VAV3: variants seen among roughly 807,000 people sequenced by gnomAD.
VAV3 encodes the protein guanine nucleotide exchange factor VAV3.
In VAV3, 94 loss-of-function variants were observed where a neutral mutation model predicts 131.2. The observed-to-expected ratio is 0.72, with a 90% confidence interval of 0.61 to 0.85. The LOEUF (loss-of-function observed/expected upper bound fraction) is 0.85, where lower values mean the gene tolerates loss of function less well. VAV3 is among the 40% of genes least tolerant of loss of function. The pLI is 0.00. For missense variants in VAV3, 939 were observed against 1,002.7 expected, an observed-to-expected ratio of 0.94 and a Z score of 0.86; for synonymous variants, 349 against 342.0, an observed-to-expected ratio of 1.02 and a Z score of -0.22.
chr1:107,595,319 C>A (rs747464070), intron 25 of VAV3, among the ~76,000 whole-genome samples: 2 of 152,002 alleles, frequency 1.3e-5, no homozygotes, highest in Admixed American at 6.6e-5. Context: ...GTTGTTGAAA[C>A]CCAGAGCATT....
At chr1:107,878,265 A>G (rs1035591169) in intron 1 of VAV3, among the ~76,000 whole-genome samples, 4 of 152,170 alleles carry the variant, frequency 2.6e-5, no homozygotes, top group African/African-American at 7.2e-5. Flanking sequence ...TTTCCTACAG[A>G]TCAACAATAC....
chr1:107,673,057 G>C (rs948061851), intron 19 of VAV3, among the ~76,000 whole-genome samples: 1 of 152,096 alleles, frequency 6.6e-6, no homozygotes, highest in African/African-American at 2.4e-5. Context: ...ATAATAATCA[G>C]CCATATGGAA....
At position 107,777,211 on chromosome 1, in the gene VAV3, G is replaced by C. The variant is rs1196385299; in HGVS notation, c.446+20C>G. On this transcript the variant is annotated intron_variant, in intron 4 of 26. Transcript: ENST00000370056. ...CATAAATTGGCAGTGGCTAAATTTT[G>C]CTTGAAATTTTCAACATACTCTATT... 6.2e-7 allele frequency: 1 copy of C among 1,610,532 alleles called. No individual in the cohort carries two copies. The highest frequency in any genetic ancestry group is 1.3e-5 in the African/African-American group (1 of 74,904).
chr1:107,832,301 G>A (rs538171285), intron 2 of VAV3, among the ~76,000 whole-genome samples: 7 of 152,308 alleles, frequency 4.6e-5, no homozygotes, highest in East Asian at 3.9e-4. Flanking sequence ...ATATAATGCC[G>A]GAGGAAGCAT....
chr1:107,743,196 A>G (rs992756303), intron 15 of VAV3, among the ~76,000 whole-genome samples: 4 of 152,348 alleles, frequency 2.6e-5, no homozygotes, highest in Middle Eastern at 3.4e-3. Flanking sequence ...AGCAAGTACA[A>G]TAAACACCCA....
At chr1:107,792,701 AACTTAGGG>A (rs1414092059) in intron 2 of VAV3, among the ~76,000 whole-genome samples, 1 of 152,180 alleles carries the variant, frequency 6.6e-6, no homozygotes, top group Non-Finnish European at 1.5e-5. Flanking sequence ...ATTCGCTTGA[AACTTAGGG>A]ACTTAGTGTT....
At position 107,882,288 on chromosome 1, in the gene VAV3, C is replaced by T. The variant is rs138209497; in HGVS notation, c.205-7271G>A. On this transcript the variant is annotated intron_variant, in intron 1 of 26. Coordinates refer to ENST00000370056, the MANE Select transcript of VAV3 (RefSeq NM_006113.5). Reference sequence around the variant, plus strand: ...CCAACCTGTGTGTTGAAGAAAGAAGCTCTCAGCATCTCAGAATAAAGAAGT... The same window carrying T: ...CCAACCTGTGTGTTGAAGAAAGAAGTTCTCAGCATCTCAGAATAAAGAAGT... Among the ~76,000 whole-genome samples, 626 of 152,152 alleles carry T rather than the reference C, an allele frequency of 4.1e-3. 5 individuals are homozygous for T. Among genetic ancestry groups the T allele is most frequent in the African/African-American group, 0.014 (588 of 41,518 alleles).
At chr1:107,963,557 GA>G (rs1446677177) in intron 1 of VAV3, 1 of 152,204 alleles carries the variant, frequency 6.6e-6, no homozygotes, top group Non-Finnish European at 1.5e-5. Context: ...CTGACACCAA[GA>G]ATCACAGATG....
chr1:107,926,458 A>T (rs1213706080), intron 1 of VAV3, among the ~76,000 whole-genome samples: 1 of 152,156 alleles, frequency 6.6e-6, no homozygotes, highest in African/African-American at 2.4e-5. Flanking sequence ...CTACACAAAA[A>T]ATCACCTTCA....
At chr1:107,695,594 T>C (rs1426105980) in intron 17 of VAV3, among the ~76,000 whole-genome samples, 1 of 152,152 alleles carries the variant, frequency 6.6e-6, no homozygotes, top group Non-Finnish European at 1.5e-5. Context: ...TTGAGGTCAA[T>C]GCAAGACGCA....
chr1:107,812,273 G>A (rs1219769508), intron 2 of VAV3, among the ~76,000 whole-genome samples: 5 of 152,116 alleles, frequency 3.3e-5, no homozygotes, highest in Non-Finnish European at 7.3e-5. Flanking sequence ...TGCACAATGA[G>A]AATCCTGATG....
chr1:107,620,453 T>C (rs555609479), intron 20 of VAV3, among the ~76,000 whole-genome samples: 2 of 152,240 alleles, frequency 1.3e-5, no homozygotes, highest in South Asian at 2.1e-4. Flanking sequence ...TACAGGTTTG[T>C]AGCCTGGCAG....
chr1:107,950,988 G>C (rs1571183311), intron 1 of VAV3, among the ~76,000 whole-genome samples: 2 of 152,132 alleles, frequency 1.3e-5, no homozygotes, highest in East Asian at 1.9e-4. Context: ...ATATTCAAGA[G>C]AATAGACCAT....
chr1:107,663,774 T>C (rs531259808), intron 19 of VAV3, among the ~76,000 whole-genome samples: 2 of 152,352 alleles, frequency 1.3e-5, no homozygotes, highest in Non-Finnish European at 2.9e-5. Context: ...CTTATGGATC[T>C]TAAATGAAAC....
At chr1:107,821,012 G>T (rs1347055672) in intron 2 of VAV3, 1 of 152,092 alleles carries the variant, frequency 6.6e-6, no homozygotes, top group Non-Finnish European at 1.5e-5. Flanking sequence ...TATATTGAGA[G>T]GTACCTCTGA....
intron 1 of VAV3, among the ~76,000 whole-genome samples, chr1:107,910,722 G>C (rs1458075877): frequency 2.6e-5 from 4 of 152,054 alleles, no homozygotes; most frequent in Non-Finnish European, 5.9e-5. Context: ...GCTCATGCCT[G>C]TAATCCCAGA....
intron 19 of VAV3, among the ~76,000 whole-genome samples, chr1:107,645,312 A>C (rs544594508): frequency 5.5e-5 from 5 of 91,432 alleles, no homozygotes; most frequent in African/African-American, 1.9e-4. Context: ...TTATGATATA[A>C]TGGAATGTAT....
chr1:107,575,301 T>C (rs2100983596), intron 25 of VAV3, among the ~76,000 whole-genome samples: 1 of 152,260 alleles, frequency 6.6e-6, no homozygotes, highest in South Asian at 2.1e-4. Context: ...AAGAGACAAA[T>C]GGGAAACACC....
intron 15 of VAV3, among the ~76,000 whole-genome samples, chr1:107,717,058 T>G (rs893342538): frequency 3.9e-5 from 6 of 152,186 alleles, no homozygotes; most frequent in Non-Finnish European, 8.8e-5. Context: ...GAAGGTAGTT[T>G]GTATTTCTGT....
Sources: allele counts gnomAD v4.1 joint callset (sites outside exome capture counted in the v4.1 genomes callset), GRCh38; gene constraint gnomAD v4.1.1; transcripts MANE v1.5; gene names NCBI Gene and HGNC (gene_info 2026-07-23, HGNC 2026-07-21).